The following NFIB variants were observed in gnomAD, a reference collection of about 807,000 sequenced individuals.
The protein encoded by NFIB is nuclear factor I B, also known as nuclear factor 1 B-type.
In NFIB, 11 loss-of-function variants were observed where a neutral mutation model predicts 61.5. That is an observed-to-expected ratio of 0.18 (90% CI 0.11 to 0.30). The LOEUF (loss-of-function observed/expected upper bound fraction) is 0.30, where lower values mean the gene tolerates loss of function less well. Ranked by LOEUF, NFIB falls within the 10% of genes least tolerant of loss-of-function variation. The pLI, the probability that NFIB is intolerant of heterozygous loss-of-function variation, is 1.00. For missense variants in NFIB, 471 were observed against 608.9 expected, an observed-to-expected ratio of 0.77 and a Z score of 2.38; for synonymous variants, 260 against 216.5, an observed-to-expected ratio of 1.20 and a Z score of -1.76.
intron 2 of NFIB, among the ~76,000 whole-genome samples, chr9:14,253,788 T>G (rs949001025): frequency 5.3e-5 from 8 of 152,304 alleles, no homozygotes; most frequent in Middle Eastern, 3.4e-3. Flanking sequence ...ATTGTTACAG[T>G]AAGTAAAACT....
chr9:14,460,874 T>C, the NFIB span, among the ~76,000 whole-genome samples: 15,930 of 151,918 alleles, frequency 0.1, 1,084 homozygotes, highest in African/African-American at 0.19. Context: ...TTATTCCAAC[T>C]TCACTTCTTA....
At chr9:14,135,133 T>G (rs2040892974) in intron 6 of NFIB, among the ~76,000 whole-genome samples, 2 of 152,104 alleles carry the variant, frequency 1.3e-5, no homozygotes, top group Non-Finnish European at 1.5e-5. Context: ...TACAGGTGAT[T>G]TTTATTTTCT....
At chr9:14,231,251 A>T (rs2053161854) in intron 2 of NFIB, among the ~76,000 whole-genome samples, 1 of 150,630 alleles carries the variant, frequency 6.6e-6, no homozygotes, top group South Asian at 2.1e-4. Flanking sequence ...GAAAAGAAAA[A>T]CTATTTGCTC....
At position 14,382,227 on chromosome 9, in the gene NFIB, C is replaced by T. The variant is rs573140587; in HGVS notation, c.108+16297G>A. 1.4e-4 allele frequency among the ~76,000 whole-genome samples: 21 copies of T among 152,192 alleles called. 1 individual carries two copies. In the South Asian group the frequency reaches 3.5e-3, roughly 26 times the overall value. On this transcript the variant is annotated intron_variant, in intron 1 of 8. Coordinates refer to the NFIB transcript ENST00000380934. ...ATACCCTCTGGAAGGCAATTCTTTT[C>T]GAAGCAAAGAAGAGGCTTCTTGACG... is the stretch of plus-strand genomic sequence containing the variant.
chr9:14,123,748 T>A (rs2039253443), intron 7 of NFIB, among the ~76,000 whole-genome samples: 1 of 152,064 alleles, frequency 6.6e-6, no homozygotes, highest in Non-Finnish European at 1.5e-5. Context: ...CCTCCCAGTT[T>A]GCCCCTCTTC....
At chr9:14,158,683 G>A (rs1483496384) in intron 3 of NFIB, among the ~76,000 whole-genome samples, 2 of 152,144 alleles carry the variant, frequency 1.3e-5, no homozygotes, top group Non-Finnish European at 2.9e-5. Context: ...GATACAGATG[G>A]TTTAAGATTT....
At chr9:14,487,537 C>T in the NFIB span, among the ~76,000 whole-genome samples, 1 of 152,148 alleles carries the variant, frequency 6.6e-6, no homozygotes, top group African/African-American at 2.4e-5. Flanking sequence ...CCAGGGTCTT[C>T]CCTGACCCCA....
chr9:14,339,381 C>CAAAGAATGGCGATTCTTTGATA (rs535216219), intron 1 of NFIB, among the ~76,000 whole-genome samples: 2 of 152,216 alleles, frequency 1.3e-5, no homozygotes, highest in Non-Finnish European at 2.9e-5. Context: ...ACCCAGGTTA[C>CAAAGAATGGCGATTCTTTGATA]AAAGAATGGC....
chr9:14,374,047 C>A (rs2132979590), intron 1 of NFIB, among the ~76,000 whole-genome samples: 1 of 152,222 alleles, frequency 6.6e-6, no homozygotes, highest in Middle Eastern at 3.4e-3. Flanking sequence ...TGGGGTTGTA[C>A]ACTGAAAGAG....
At chr9:14,219,380 G>GAAAAA (rs1563914477) in intron 2 of NFIB, among the ~76,000 whole-genome samples, 2 of 9,768 alleles carry the variant, frequency 2.0e-4, no homozygotes, top group African/African-American at 3.0e-3. Flanking sequence ...TAGCACTAGG[G>GAAAAA]TAAAAAAAAA....
At chr9:14,526,520 T>C in the NFIB span, among the ~76,000 whole-genome samples, 1 of 152,208 alleles carries the variant, frequency 6.6e-6, no homozygotes. Flanking sequence ...ACTTTTGCAC[T>C]GAATATCAAT....
At chr9:14,359,689 G>A in intron 1 of NFIB, among the ~76,000 whole-genome samples, 1 of 152,148 alleles carries the variant, frequency 6.6e-6, no homozygotes, top group East Asian at 1.9e-4. Context: ...GTATGGTTGA[G>A]GGATGGGCAT....
chr9:14,161,409 C>G (rs1443491887), intron 3 of NFIB, among the ~76,000 whole-genome samples: 1 of 151,916 alleles, frequency 6.6e-6, no homozygotes, highest in Non-Finnish European at 1.5e-5. Flanking sequence ...TTTAGGTGAT[C>G]TTGGAGGGAG....
intron 1 of NFIB, among the ~76,000 whole-genome samples, chr9:14,345,636 G>A (rs532698751): frequency 6.6e-6 from 1 of 152,296 alleles, no homozygotes; most frequent in East Asian, 1.9e-4. Context: ...CATTTGGAGA[G>A]AGCGGGCAGC....
At chr9:14,471,873 C>T in the NFIB span, among the ~76,000 whole-genome samples, 1 of 152,302 alleles carries the variant, frequency 6.6e-6, no homozygotes, top group African/African-American at 2.4e-5. Flanking sequence ...CTGAAGAGGC[C>T]TCTGAAGTGA....
chr9:14,442,666 G>A, the NFIB span, among the ~76,000 whole-genome samples: 2 of 152,070 alleles, frequency 1.3e-5, no homozygotes, highest in Non-Finnish European at 2.9e-5. Context: ...ATCTTTGCGT[G>A]TGTGTGTCTG....
At chr9:14,106,854 T>C (rs1011058262) in intron 10 of NFIB, among the ~76,000 whole-genome samples, 3 of 152,084 alleles carry the variant, frequency 2.0e-5, no homozygotes, top group South Asian at 2.1e-4. Flanking sequence ...TCTATTTTGC[T>C]AGACTCAGCA....
the NFIB span, among the ~76,000 whole-genome samples, chr9:14,513,964 T>C: frequency 6.6e-6 from 1 of 152,232 alleles, no homozygotes; most frequent in African/African-American, 2.4e-5. Context: ...TGCTACTTTT[T>C]ATTTTCTTAA....
At chr9:14,121,207 T>C (rs2038888960) in intron 7 of NFIB, among the ~76,000 whole-genome samples, 2 of 152,188 alleles carry the variant, frequency 1.3e-5, no homozygotes, top group Admixed American at 1.3e-4. Flanking sequence ...GAGGTTGCAG[T>C]GAGCCGAGAT....
Sources: allele counts gnomAD v4.1 joint callset (sites outside exome capture counted in the v4.1 genomes callset), GRCh38; gene constraint gnomAD v4.1.1; transcripts MANE v1.5; gene names NCBI Gene and HGNC (gene_info 2026-07-23, HGNC 2026-07-21).